The following SMPD3 variants were observed in gnomAD, a reference collection of about 807,000 sequenced individuals.
SMPD3 encodes the protein nSMase-2.
Under a neutral mutation model 55.7 loss-of-function variants are expected in SMPD3, and 21 were observed. That is an observed-to-expected ratio of 0.38 (90% CI 0.27 to 0.54). SMPD3 has a LOEUF of 0.54. Ranked by LOEUF, SMPD3 falls within the 20% of genes least tolerant of loss-of-function variation. SMPD3 has a pLI of 0.80. For synonymous variants in SMPD3, 457 were observed against 404.3 expected (o/e 1.13, Z -1.56); for missense variants, 842 against 899.6 (o/e 0.94, Z 0.82).
chr16:68,410,928 A>G (rs2090294228), intron 1 of SMPD3, among the ~76,000 whole-genome samples: 1 of 152,282 alleles, frequency 6.6e-6, no homozygotes, highest in Non-Finnish European at 1.5e-5. Flanking sequence ...CAGTGAGGTC[A>G]GGAATCACTC....
chr16:68,419,234 A>G (rs2090366380), intron 1 of SMPD3, among the ~76,000 whole-genome samples: 1 of 152,212 alleles, frequency 6.6e-6, no homozygotes, highest in Non-Finnish European at 1.5e-5. Flanking sequence ...AGCTATGGCC[A>G]CCAATGAGAC....
rs779794823 is a variant in SMPD3, at chr16:68,358,497, G to A, written c.*2709C>T. 2 of 152,622 alleles carry A rather than the reference G, an allele frequency of 1.3e-5. No homozygotes were observed. The highest frequency in any genetic ancestry group is 4.8e-5 in the African/African-American group (2 of 41,442). 9.5% of individuals were successfully genotyped at this position (152,622 alleles called of 1,614,324 possible). A position where few individuals can be genotyped will look rare whatever the true frequency, so the allele number is the denominator to read the frequency against. On this transcript the variant is annotated 3_prime_UTR_variant, in exon 9 of 9. Transcript: ENST00000219334. ...TGATAATGTTTTTACCAAAACCATAGGTGTGCTTACCATAGAAAACCCCTA... is the reference window on the plus strand; with the variant it reads ...TGATAATGTTTTTACCAAAACCATAAGTGTGCTTACCATAGAAAACCCCTA...
At chr16:68,432,389 C>T (rs1190254723) in intron 1 of SMPD3, among the ~76,000 whole-genome samples, 1 of 152,166 alleles carries the variant, frequency 6.6e-6, no homozygotes, top group Non-Finnish European at 1.5e-5. Flanking sequence ...TTAGAAAGCT[C>T]TCTTAAAGTA....
At chr16:68,424,369 G>A (rs1288241509) in intron 1 of SMPD3, among the ~76,000 whole-genome samples, 2 of 152,060 alleles carry the variant, frequency 1.3e-5, no homozygotes, top group Admixed American at 6.5e-5. Context: ...GGGGGAATAA[G>A]CATCAGCAGA....
intron 1 of SMPD3, among the ~76,000 whole-genome samples, chr16:68,428,924 C>T (rs982492380): frequency 1.3e-5 from 2 of 152,196 alleles, no homozygotes; most frequent in Non-Finnish European, 2.9e-5. Context: ...TCCCAGCAGA[C>T]AATGGTGACT....
chr16:68,363,409 G>T, intron 7 of SMPD3, 87 bp downstream of exon 7: 1 of 1,462,152 alleles, frequency 6.8e-7, no homozygotes, highest in Non-Finnish European at 9.6e-7. Flanking sequence ...AGCCCGAGCT[G>T]AGCTCTCCCA....
chr16:68,361,325 G>A lies in SMPD3; in HGVS notation c.1867-18C>T, dbSNP rs776213217. The A allele has an allele frequency of 2.5e-6, 4 of 1,599,372 alleles. No homozygotes were observed. The Admixed American group carries it at 5.1e-5, about 20-fold the overall frequency. On this transcript the variant is annotated intron_variant, in intron 8 of 8. Transcript: ENST00000219334. ...TCCACCTCCTGGGGTGAGTGGGAGA[G>A]GGGAGAAACAGCCTGGTCAGATTCC...
At chr16:68,387,278 C>T (rs1358335952) in intron 1 of SMPD3, among the ~76,000 whole-genome samples, 1 of 152,100 alleles carries the variant, frequency 6.6e-6, no homozygotes, top group African/African-American at 2.4e-5. Context: ...AAGGGAGGCT[C>T]AGTGGGACAC....
intron 1 of SMPD3, among the ~76,000 whole-genome samples, chr16:68,437,822 A>G (rs2090535446): frequency 6.6e-6 from 1 of 152,166 alleles, no homozygotes; most frequent in Non-Finnish European, 1.5e-5. Context: ...GCAGAGTGCA[A>G]CTGCAGCCAT....
At chr16:68,395,712 A>G (rs891552256) in intron 1 of SMPD3, among the ~76,000 whole-genome samples, 1 of 152,264 alleles carries the variant, frequency 6.6e-6, no homozygotes, top group African/African-American at 2.4e-5. Context: ...CTGTCTTAAA[A>G]AAATACATCA....
chr16:68,386,377 C>T (rs2090053135), intron 2 of SMPD3, among the ~76,000 whole-genome samples: 2 of 152,100 alleles, frequency 1.3e-5, no homozygotes, highest in African/African-American at 4.8e-5. Context: ...GTATTGCACT[C>T]CGCTTGAGTC....
At chr16:68,362,885 T>A (rs947129564) in intron 7 of SMPD3, among the ~76,000 whole-genome samples, 1 of 152,228 alleles carries the variant, frequency 6.6e-6, no homozygotes, top group African/African-American at 2.4e-5. Context: ...TAGTCTATAA[T>A]CTAATTAATT....
chr16:68,367,326 A>C (rs1223086817), intron 3 of SMPD3: 1 of 152,362 alleles, frequency 6.6e-6, no homozygotes, highest in African/African-American at 2.4e-5. Flanking sequence ...GCACATGATA[A>C]AGTGATGCTG....
chr16:68,403,950 C>T (rs966879502), intron 1 of SMPD3, among the ~76,000 whole-genome samples: 11 of 152,174 alleles, frequency 7.2e-5, no homozygotes, highest in Admixed American at 7.2e-4. Flanking sequence ...TGCAGGAACG[C>T]CAGGTCCCAG....
chr16:68,376,327 T>G (rs1255788824), intron 2 of SMPD3, among the ~76,000 whole-genome samples: 1 of 152,190 alleles, frequency 6.6e-6, no homozygotes, highest in Non-Finnish European at 1.5e-5. Flanking sequence ...CTGCGCTCCT[T>G]TGGCCTAGTT....
chr16:68,439,380 C>T (rs1250915655), intron 1 of SMPD3, among the ~76,000 whole-genome samples: 1 of 152,204 alleles, frequency 6.6e-6, no homozygotes, highest in Non-Finnish European at 1.5e-5. Flanking sequence ...TCTCAAAACA[C>T]CCCACTCTAG....
At position 68,371,801 on chromosome 16, in the gene SMPD3, G is replaced by C. The variant is rs1213833443; in HGVS notation, c.381C>G (p.Ala127=). 3 of 1,609,110 alleles carry C rather than the reference G, an allele frequency of 1.9e-6. No individual in the cohort carries two copies. In the Admixed American group the frequency reaches 5.1e-5, roughly 27 times the overall value. ...GTGPGKSFCF[A]TANVCLLPDS... ...CGGGCAGGAGGCAGACGTTGGCAGT[G>C]GCAAAGCAGAAGCTTTTGCCAGGCC... Residue 127 remains alanine, a synonymous_variant, in exon 3 of 9, where the codon GCC becomes GCG. Transcript: ENST00000219334.
intron 1 of SMPD3, among the ~76,000 whole-genome samples, chr16:68,406,184 AG>A (rs532290402): frequency 1.4e-4 from 22 of 152,324 alleles, no homozygotes; most frequent in Admixed American, 5.2e-4. Flanking sequence ...CCAGAATAAA[AG>A]GGGGCTATCA....
intron 1 of SMPD3, among the ~76,000 whole-genome samples, chr16:68,412,090 A>T (rs893825460): frequency 1.3e-5 from 2 of 152,144 alleles, no homozygotes; most frequent in African/African-American, 4.8e-5. Flanking sequence ...AGGCAGAGGC[A>T]GTTGCTAGGC....
Sources: gnomAD v4.1 joint callset for allele counts (sites outside exome capture counted in the v4.1 genomes callset) on GRCh38, gnomAD v4.1.1 for gene constraint, MANE v1.5 for transcripts, NCBI Gene and HGNC (gene_info 2026-07-23, HGNC 2026-07-21) for gene names.